The following MAPK10 variants were observed in gnomAD, a reference collection of about 807,000 sequenced individuals.
The protein encoded by MAPK10 is JNK3 alpha protein kinase.
MAPK10 carries 25 observed loss-of-function variants against 59.3 expected under a neutral mutation model. The ratio of observed to expected loss-of-function variants is 0.42; its 90% CI spans 0.31 to 0.59. The LOEUF (loss-of-function observed/expected upper bound fraction) is 0.59, where lower values mean the gene tolerates loss of function less well. MAPK10 is among the 20% of genes least tolerant of loss of function. The pLI is 0.15. For missense variants in MAPK10, 351 were observed against 568.9 expected, an observed-to-expected ratio of 0.62 and a Z score of 3.90; for synonymous variants, 190 against 200.5, an observed-to-expected ratio of 0.95 and a Z score of 0.44.
intron 1 of MAPK10, among the ~76,000 whole-genome samples, chr4:86,538,462 G>A (rs751753454): frequency 1.9e-4 from 29 of 152,044 alleles, no homozygotes; most frequent in African/African-American, 4.6e-4. Context: ...CACTGCGCCC[G>A]GTCCAATAAA....
chr4:86,040,376 A>C (rs948511834), intron 11 of MAPK10, among the ~76,000 whole-genome samples: 1 of 152,168 alleles, frequency 6.6e-6, no homozygotes. Context: ...TGAAAAATGC[A>C]ATAGTAGGAT....
chr4:86,311,565 C>G (rs1578072106), intron 2 of MAPK10, among the ~76,000 whole-genome samples: 1 of 152,054 alleles, frequency 6.6e-6, no homozygotes, highest in Non-Finnish European at 1.5e-5. Flanking sequence ...TTCTAACTCT[C>G]CCTTTGCAGA....
intron 2 of MAPK10, among the ~76,000 whole-genome samples, chr4:86,238,472 T>C (rs184665643): frequency 6.6e-6 from 1 of 152,336 alleles, no homozygotes; most frequent in African/African-American, 2.4e-5. Context: ...TTTATTCCTT[T>C]CCATGAGGAT....
At chr4:86,063,738 C>A (rs1250249128) in intron 11 of MAPK10, among the ~76,000 whole-genome samples, 3 of 152,158 alleles carry the variant, frequency 2.0e-5, no homozygotes, top group Non-Finnish European at 4.4e-5. Context: ...TCATACTGAT[C>A]AACCTGAAGT....
chr4:86,431,275 GAACA>G (rs1358904563), intron 1 of MAPK10, among the ~76,000 whole-genome samples: 8 of 151,806 alleles, frequency 5.3e-5, no homozygotes, highest in Non-Finnish European at 1.0e-4. Context: ...TTTAAAATGG[GAACA>G]AATAAACAGT....
At chr4:86,331,595 C>T (rs2096156017) in intron 2 of MAPK10, among the ~76,000 whole-genome samples, 1 of 152,128 alleles carries the variant, frequency 6.6e-6, no homozygotes, top group Non-Finnish European at 1.5e-5. Flanking sequence ...CATGAGAGCA[C>T]AAGGTGTTCC....
intron 1 of MAPK10, among the ~76,000 whole-genome samples, chr4:86,485,095 T>C (rs1230635791): frequency 6.6e-6 from 1 of 152,178 alleles, no homozygotes; most frequent in Non-Finnish European, 1.5e-5. Context: ...TCAAGAGGAC[T>C]TTCTGGTTTT....
Position 86,198,943 on chromosome 4 carries a change from G to A in MAPK10, c.-6-4536C>T, listed in dbSNP as rs932946485. Among the ~76,000 whole-genome samples the A allele has an allele frequency of 2.4e-4, 36 of 151,614 alleles. No homozygotes were observed. In the Middle Eastern group the frequency reaches 0.01, roughly 43 times the overall value. On this transcript the variant is annotated intron_variant, in intron 2 of 13. Transcript: ENST00000641462. ...GAATTTCATGAAAAAAGAAATATAC[G>A]AGCACTCACAAATATATGCGTACCT...
At chr4:86,375,550 G>C (rs763158360) in intron 1 of MAPK10, among the ~76,000 whole-genome samples, 2 of 151,490 alleles carry the variant, frequency 1.3e-5, no homozygotes, top group Admixed American at 1.3e-4. Context: ...GCAAAACCTC[G>C]TCTCTACAGA....
chr4:86,382,476 CTGTTTA>C (rs1352305416), intron 1 of MAPK10, among the ~76,000 whole-genome samples: 5 of 152,158 alleles, frequency 3.3e-5, no homozygotes, highest in Non-Finnish European at 5.9e-5. Flanking sequence ...TTTTATGTGT[CTGTTTA>C]TGTTTAATAG....
At chr4:86,127,321 A>G (rs1219013151) in intron 4 of MAPK10, among the ~76,000 whole-genome samples, 1 of 151,952 alleles carries the variant, frequency 6.6e-6, no homozygotes, top group Non-Finnish European at 1.5e-5. Context: ...GCATATAGTT[A>G]GCCTTAAATA....
intron 1 of MAPK10, among the ~76,000 whole-genome samples, chr4:86,489,283 G>C (rs1192918715): frequency 6.6e-6 from 1 of 152,172 alleles, no homozygotes; most frequent in Non-Finnish European, 1.5e-5. Context: ...TATTTATGCA[G>C]TAATAGATAA....
chr4:86,399,927 T>A (rs573452205), intron 1 of MAPK10: 2 of 152,300 alleles, frequency 1.3e-5, no homozygotes, highest in African/African-American at 2.4e-5. Context: ...ATAATAGACA[T>A]AGAATTATCT....
chr4:86,167,974 A>G (rs1003713488), intron 3 of MAPK10, among the ~76,000 whole-genome samples: 2 of 152,234 alleles, frequency 1.3e-5, no homozygotes, highest in African/African-American at 4.8e-5. Flanking sequence ...TATATCTAGA[A>G]AATCCCATTG....
intron 1 of MAPK10, among the ~76,000 whole-genome samples, chr4:86,560,717 G>A (rs1760613146): frequency 6.6e-6 from 1 of 152,172 alleles, no homozygotes; most frequent in Admixed American, 6.5e-5. Context: ...CAAAACAGAG[G>A]CAAAAACTGT....
intron 2 of MAPK10, among the ~76,000 whole-genome samples, chr4:86,259,770 A>G (rs934240137): frequency 6.6e-6 from 1 of 152,082 alleles, no homozygotes; most frequent in African/African-American, 2.4e-5. Flanking sequence ...TGCATCTACA[A>G]ATGAAAACCA....
At chr4:86,286,930 A>G (rs1260610701) in intron 2 of MAPK10, among the ~76,000 whole-genome samples, 2 of 152,188 alleles carry the variant, frequency 1.3e-5, no homozygotes, top group Non-Finnish European at 2.9e-5. Flanking sequence ...GGTAGAGAGC[A>G]TGTTTGAGCC....
At chr4:86,372,564 GAAA>G (rs1479769331) in intron 1 of MAPK10, among the ~76,000 whole-genome samples, 1,672 of 78,686 alleles carry the variant, frequency 0.021, 64 homozygotes, top group South Asian at 0.047. Context: ...AAGAAAGAAA[GAAA>G]GAAAAGAAAA....
At chr4:86,410,777 T>C (rs1039864114) in intron 1 of MAPK10, among the ~76,000 whole-genome samples, 1 of 152,044 alleles carries the variant, frequency 6.6e-6, no homozygotes, top group Admixed American at 6.6e-5. Context: ...ATTGTGTCTA[T>C]TTTGATTCTT....
Sources: gnomAD v4.1 joint callset for allele counts (sites outside exome capture counted in the v4.1 genomes callset) on GRCh38, gnomAD v4.1.1 for gene constraint, MANE v1.5 for transcripts, NCBI Gene and HGNC (gene_info 2026-07-23, HGNC 2026-07-21) for gene names.